DSE: variants seen among roughly 807,000 people sequenced by gnomAD.
DSE encodes the protein dermatan-sulfate epimerase.
Under a neutral mutation model 84.4 loss-of-function variants are expected in DSE, and 36 were observed. The observed-to-expected ratio is 0.43, with a 90% CI of 0.33 to 0.56. The LOEUF (loss-of-function observed/expected upper bound fraction) is 0.56. Ranked by LOEUF, DSE falls within the 20% of genes least tolerant of loss-of-function variation. DSE has a pLI of 0.06. For missense variants in DSE, 862 were observed against 1,169.6 expected, an observed-to-expected ratio of 0.74 and a Z score of 3.84; for synonymous variants, 410 against 430.1, an observed-to-expected ratio of 0.95 and a Z score of 0.58.
intron 2 of DSE, among the ~76,000 whole-genome samples, chr6:116,313,518 A>G (rs1018931880): frequency 7.2e-5 from 11 of 152,352 alleles, no homozygotes; most frequent in African/African-American, 2.6e-4. Flanking sequence ...GTTACATAAT[A>G]CCTATAAATG....
At chr6:116,257,780 C>G (rs1772207088) in intron 1 of DSE, among the ~76,000 whole-genome samples, 1 of 152,160 alleles carries the variant, frequency 6.6e-6, no homozygotes, top group Non-Finnish European at 1.5e-5. Flanking sequence ...CCAGAGGTCT[C>G]TTTTATAGGG....
chr6:116,365,728 A>C (rs981395439), upstream of DSE, among the ~76,000 whole-genome samples: 1 of 152,226 alleles, frequency 6.6e-6, no homozygotes, highest in African/African-American at 2.4e-5. Flanking sequence ...CTAAGAGTAC[A>C]ACTAGGCATT....
At chr6:116,342,951 C>T (rs564024635) in intron 2 of DSE, among the ~76,000 whole-genome samples, 18 of 152,336 alleles carry the variant, frequency 1.2e-4, no homozygotes, top group African/African-American at 4.3e-4. Context: ...CACCCTAATA[C>T]TGCGCTTTTC....
At chr6:116,259,022 C>A (rs1772285133) in intron 2 of DSE, 1 of 1,500,902 alleles carries the variant, frequency 6.7e-7, no homozygotes, top group South Asian at 1.1e-5. Context: ...AGGGAAATGT[C>A]ACTGATGTGC....
In DSE at chr6:116,279,280, T is replaced by A; in HGVS notation, c.-54+20313T>A. The A allele has an allele frequency of 1.3e-6, 2 of 1,576,236 alleles. No individual in the cohort carries two copies. The highest frequency in any genetic ancestry group is 2.3e-5 in the East Asian group (1 of 43,166). ...TACCTCCATCTGCTCCTCCATTACC[T>A]CCTTCTCCGCCAGGCCTTCCTTCAC... On this transcript the variant is annotated intron_variant, in intron 2 of 3. Transcript: ENST00000430252.
rs937929354 is a variant in DSE at position 116,438,473 on chromosome 6, T to C, written c.*1128T>C. The stretch of plus-strand genomic sequence containing the variant: ...AGCATATTTTAAATATTTAAAACAA[T>C]AGCCAATTCTGATATTTAAGTAGCA... On this transcript the variant is annotated 3_prime_UTR_variant, in exon 6 of 6. Transcript: ENST00000644252. 3 of 152,152 alleles carry C rather than the reference T, an allele frequency of 2.0e-5. No individual in the cohort carries two copies. Among genetic ancestry groups the C allele is most frequent in the African/African-American group, 4.8e-5 (2 of 41,458 alleles). The allele number at this position is 152,152 out of a possible 1,614,324, so 9.4% of individuals were successfully genotyped here. A position where few individuals can be genotyped will look rare whatever the true frequency, so the allele number is the denominator to read the frequency against.
chr6:116,262,710 T>C (rs1159271183), intron 2 of DSE, among the ~76,000 whole-genome samples: 1 of 152,222 alleles, frequency 6.6e-6, no homozygotes, highest in African/African-American at 2.4e-5. Flanking sequence ...TATTAGGTTT[T>C]TAACTTAAGA....
At chr6:116,258,535 T>G in exon 2 of DSE, 1 of 1,360,166 alleles carries the variant, frequency 7.4e-7, no homozygotes, top group Non-Finnish European at 1.1e-6. Flanking sequence ...AGGCCACACG[T>G]CCTTCTTCTT....
chr6:116,336,755 CAAAA>C (rs55859612), intron 2 of DSE, among the ~76,000 whole-genome samples: 3 of 130,086 alleles, frequency 2.3e-5, no homozygotes, highest in Non-Finnish European at 1.6e-5. Flanking sequence ...AACTCCATCT[CAAAA>C]AAAAAAAAAA....
chr6:116,331,234 C>G (rs1294974336), intron 2 of DSE, among the ~76,000 whole-genome samples: 1 of 152,170 alleles, frequency 6.6e-6, no homozygotes, highest in African/African-American at 2.4e-5. Flanking sequence ...AGTTCATTCT[C>G]TTGCTGCTAT....
At chr6:116,365,346 TG>T (rs1779103885) in intron 2 of DSE, among the ~76,000 whole-genome samples, 1 of 152,124 alleles carries the variant, frequency 6.6e-6, no homozygotes, top group Non-Finnish European at 1.5e-5. Context: ...CTCCGCCTCC[TG>T]GGTTCACGCC....
intron 1 of DSE, among the ~76,000 whole-genome samples, chr6:116,373,312 G>A (rs1327578147): frequency 6.6e-6 from 1 of 152,200 alleles, no homozygotes; most frequent in South Asian, 2.1e-4. Flanking sequence ...GCAGTGAGCC[G>A]AGATTGTGCC....
chr6:116,415,992 T>G (rs1398177487), intron 2 of DSE, among the ~76,000 whole-genome samples: 1 of 152,222 alleles, frequency 6.6e-6, no homozygotes. Context: ...GGGCTACATT[T>G]TATTCTGGAA....
At chr6:116,413,469 A>G (rs758486790) in intron 2 of DSE, among the ~76,000 whole-genome samples, 3 of 152,186 alleles carry the variant, frequency 2.0e-5, no homozygotes, top group Non-Finnish European at 4.4e-5. Flanking sequence ...TAGTGTTTAG[A>G]ATGCTTATTC....
At chr6:116,256,405 T>G (rs1772143484) in intron 1 of DSE, 1 of 152,226 alleles carries the variant, frequency 6.6e-6, no homozygotes, top group Non-Finnish European at 1.5e-5. Context: ...TGTAGGCACT[T>G]GTAACATAAT....
At chr6:116,345,373 G>A (rs61023165) in intron 2 of DSE, among the ~76,000 whole-genome samples, 12 of 152,246 alleles carry the variant, frequency 7.9e-5, no homozygotes, top group African/African-American at 2.4e-4. Flanking sequence ...TGGAAGTAAA[G>A]CACTCCTCAG....
intron 2 of DSE, among the ~76,000 whole-genome samples, chr6:116,408,210 T>G (rs1389313616): frequency 1.3e-5 from 2 of 152,228 alleles, no homozygotes; most frequent in Admixed American, 6.5e-5. Flanking sequence ...CCAAAGAAAC[T>G]TCTTTCTAGA....
chr6:116,262,912 CTG>C (rs1419761490), intron 2 of DSE, among the ~76,000 whole-genome samples: 1 of 152,066 alleles, frequency 6.6e-6, no homozygotes, highest in Non-Finnish European at 1.5e-5. Flanking sequence ...TTCCATGTAA[CTG>C]TATGGTTTTG....
intron 2 of DSE, chr6:116,279,288 C>T (rs764621163): frequency 1.9e-6 from 3 of 1,548,412 alleles, no homozygotes; most frequent in Non-Finnish European, 2.6e-6. Context: ...CCTCCTTCTC[C>T]GCCAGGCCTT....
Sources: allele counts gnomAD v4.1 joint callset (sites outside exome capture counted in the v4.1 genomes callset), GRCh38; gene constraint gnomAD v4.1.1; transcripts MANE v1.5; gene names NCBI Gene and HGNC (gene_info 2026-07-23, HGNC 2026-07-21).